The following AUTS2 variants were observed in gnomAD, a reference collection of about 807,000 sequenced individuals.
AUTS2 encodes the protein autism susceptibility gene 2 protein.
A neutral mutation model predicts 112.4 loss-of-function variants in AUTS2; 17 were observed. The ratio of observed to expected loss-of-function variants is 0.15; its 90% CI spans 0.10 to 0.23. AUTS2 has a LOEUF of 0.23. Among genes scored for constraint, AUTS2 ranks in the 10% least tolerant of loss-of-function variants. The probability of loss-of-function intolerance (pLI) is 1.00; values close to 1 mark genes in which losing one functional copy is unlikely to be tolerated. For synonymous variants in AUTS2, 751 were observed against 702.7 expected (o/e 1.07, Z -1.09); for missense variants, 1,510 against 1,701.6 (o/e 0.89, Z 1.98).
At chr7:70,695,282 G>C (rs1171525166) in intron 5 of AUTS2, among the ~76,000 whole-genome samples, 1 of 152,168 alleles carries the variant, frequency 6.6e-6, no homozygotes, top group Non-Finnish European at 1.5e-5. Flanking sequence ...GGCCGGGCTC[G>C]GCCGGAGCTG....
chr7:70,053,765 G>C (rs957786527), intron 2 of AUTS2, among the ~76,000 whole-genome samples: 1 of 152,088 alleles, frequency 6.6e-6, no homozygotes, highest in East Asian at 1.9e-4. Flanking sequence ...GGCTGGTCTC[G>C]AACTGGGCTC....
intron 2 of AUTS2, among the ~76,000 whole-genome samples, chr7:70,072,951 A>G (rs1802846087): frequency 6.6e-6 from 1 of 151,878 alleles, no homozygotes; most frequent in Admixed American, 6.6e-5. Context: ...TAAATCAGAT[A>G]TAAGCAAAGA....
At chr7:70,668,185 G>T (rs1021362861) in intron 5 of AUTS2, among the ~76,000 whole-genome samples, 1 of 152,164 alleles carries the variant, frequency 6.6e-6, no homozygotes, top group South Asian at 2.1e-4. Flanking sequence ...CACCATGTTG[G>T]CTAGGCTGGT....
At chr7:70,253,089 T>C (rs1051231469) in intron 4 of AUTS2, among the ~76,000 whole-genome samples, 1 of 152,164 alleles carries the variant, frequency 6.6e-6, no homozygotes, top group African/African-American at 2.4e-5. Context: ...CTTGAATTCA[T>C]TACTAAATAA....
chr7:70,485,862 C>T (rs944570919), intron 5 of AUTS2, among the ~76,000 whole-genome samples: 2 of 152,022 alleles, frequency 1.3e-5, no homozygotes, highest in Admixed American at 1.3e-4. Context: ...CAGCTGTGGC[C>T]AGCTCTTCCT....
chr7:70,412,402 G>A (rs149062215), intron 4 of AUTS2, among the ~76,000 whole-genome samples: 2 of 151,946 alleles, frequency 1.3e-5, no homozygotes, highest in African/African-American at 4.8e-5. Context: ...TGAACTCCAG[G>A]TCTCAAAATT....
At chr7:70,610,086 A>G (rs944528650) in intron 5 of AUTS2, among the ~76,000 whole-genome samples, 1 of 151,794 alleles carries the variant, frequency 6.6e-6, no homozygotes, top group African/African-American at 2.4e-5. Flanking sequence ...TGCAATCTCC[A>G]CCTCCTGGGT....
intron 2 of AUTS2, among the ~76,000 whole-genome samples, chr7:70,077,538 G>A (rs1007095892): frequency 6.6e-6 from 1 of 152,192 alleles, no homozygotes; most frequent in Non-Finnish European, 1.5e-5. Context: ...CAAAGTGTTT[G>A]TTGACCTAAA....
Position 69,850,296 on chromosome 7 carries a change from AAAAAAC to A in AUTS2, c.310-48966_310-48961del, listed in dbSNP as rs549110306. Among the ~76,000 whole-genome samples the A allele has an allele frequency of 1.9e-3, 285 of 150,122 alleles. 1 individual carries two copies. The highest frequency in any genetic ancestry group is 0.012 in the East Asian group (63 of 5,124). The stretch of plus-strand genomic sequence containing the variant: ...TGCAACAGGGTGACACTCTGTCTCA[AAAAAAC>A]AAAAACAAAAACAAAAACAAAAAAA... On this transcript the variant is annotated intron_variant, in intron 1 of 18. Transcript: ENST00000342771.
At chr7:69,713,982 G>A (rs1315238301) in intron 1 of AUTS2, among the ~76,000 whole-genome samples, 4 of 151,984 alleles carry the variant, frequency 2.6e-5, no homozygotes, top group Non-Finnish European at 5.9e-5. Context: ...GGGTTACAAA[G>A]TTTCTTCTAG....
At chr7:69,691,812 A>C (rs1478503727) in intron 1 of AUTS2, among the ~76,000 whole-genome samples, 1 of 152,044 alleles carries the variant, frequency 6.6e-6, no homozygotes, top group Non-Finnish European at 1.5e-5. Flanking sequence ...TGCCATCATC[A>C]GTGGGACCCA....
intron 5 of AUTS2, among the ~76,000 whole-genome samples, chr7:70,496,135 T>C (rs1159287645): frequency 8.5e-6 from 1 of 117,376 alleles, no homozygotes; most frequent in Admixed American, 9.4e-5. Context: ...TCAGCATCGA[T>C]CACACACCCC....
chr7:69,970,758 A>G (rs1203714836), intron 2 of AUTS2, among the ~76,000 whole-genome samples: 2 of 152,152 alleles, frequency 1.3e-5, no homozygotes, highest in Non-Finnish European at 2.9e-5. Flanking sequence ...TATACATAAT[A>G]CACCTTATTG....
intron 2 of AUTS2, among the ~76,000 whole-genome samples, chr7:69,942,177 T>C (rs1160929687): frequency 1.3e-5 from 2 of 152,212 alleles, no homozygotes; most frequent in African/African-American, 4.8e-5. Flanking sequence ...TTGTTTATGG[T>C]CTGTCTCTCC....
chr7:69,971,566 A>G (rs529414186), intron 2 of AUTS2, among the ~76,000 whole-genome samples: 2 of 152,244 alleles, frequency 1.3e-5, no homozygotes, highest in African/African-American at 4.8e-5. Context: ...CACATCACCA[A>G]AAGTCTCTCT....
intron 1 of AUTS2, among the ~76,000 whole-genome samples, chr7:69,770,041 C>G (rs924296701): frequency 1.3e-5 from 2 of 152,148 alleles, no homozygotes; most frequent in Non-Finnish European, 1.5e-5. Flanking sequence ...GTTGTTTCCT[C>G]CCAGATGGTT....
At chr7:70,018,239 C>G (rs1319067886) in intron 2 of AUTS2, among the ~76,000 whole-genome samples, 1 of 151,866 alleles carries the variant, frequency 6.6e-6, no homozygotes, top group Non-Finnish European at 1.5e-5. Flanking sequence ...AACTACCAAT[C>G]CTCCATTTTT....
intron 2 of AUTS2, among the ~76,000 whole-genome samples, chr7:69,910,529 A>G (rs959142439): frequency 6.6e-6 from 1 of 152,238 alleles, no homozygotes; most frequent in East Asian, 1.9e-4. Context: ...AGGCCTCACA[A>G]TCATGGCAGA....
intron 4 of AUTS2, among the ~76,000 whole-genome samples, chr7:70,263,016 T>G (rs1280516689): frequency 2.0e-5 from 3 of 152,218 alleles, no homozygotes; most frequent in African/African-American, 7.2e-5. Context: ...TTTATTAGTT[T>G]TATTTTTTGC....
Sources: gnomAD v4.1 joint callset for allele counts (sites outside exome capture counted in the v4.1 genomes callset) on GRCh38, gnomAD v4.1.1 for gene constraint, MANE v1.5 for transcripts, NCBI Gene and HGNC (gene_info 2026-07-23, HGNC 2026-07-21) for gene names.